Variants in GUCY1A2 observed in about 807,000 individuals in gnomAD.
The protein encoded by GUCY1A2 is guanylate cyclase soluble subunit alpha-2.
In GUCY1A2, 27 loss-of-function variants were observed where a neutral mutation model predicts 63.5. The observed-to-expected ratio is 0.43, with a 90% CI of 0.31 to 0.59. The LOEUF is 0.59. GUCY1A2 is among the 20% of genes least tolerant of loss of function. GUCY1A2 has a pLI of 0.11. For synonymous variants in GUCY1A2, 364 were observed against 343.5 expected (o/e 1.06, Z -0.66); for missense variants, 768 against 913.3 (o/e 0.84, Z 2.05).
intron 2 of GUCY1A2, among the ~76,000 whole-genome samples, chr11:106,979,404 G>A (rs1024007047): frequency 3.5e-4 from 52 of 146,556 alleles, no homozygotes; most frequent in African/African-American, 4.6e-4. Context: ...GCAGTGAGCC[G>A]AGACTGCGCC....
intron 4 of GUCY1A2, among the ~76,000 whole-genome samples, chr11:106,866,615 G>T (rs1348806320): frequency 2.0e-5 from 3 of 151,958 alleles, no homozygotes; most frequent in African/African-American, 7.2e-5. Context: ...CCTTTTATTT[G>T]GTCTGTGGTA....
intron 7 of GUCY1A2, among the ~76,000 whole-genome samples, chr11:106,691,465 G>A (rs956037173): frequency 6.6e-6 from 1 of 152,144 alleles, no homozygotes; most frequent in African/African-American, 2.4e-5. Context: ...TATCTTTTAA[G>A]TCCTCAAATG....
chr11:106,788,988 G>T (rs1864613076), intron 5 of GUCY1A2, among the ~76,000 whole-genome samples: 2 of 152,068 alleles, frequency 1.3e-5, no homozygotes, highest in Admixed American at 1.3e-4. Context: ...GTTTGCTTTG[G>T]GTAGTATGGA....
Position 106,682,504 on chromosome 11 carries a change from A to G in GUCY1A2, c.*5045T>C, listed in dbSNP as rs74644725. On this transcript the variant is annotated 3_prime_UTR_variant, in exon 8 of 8. Coordinates refer to ENST00000526355, the MANE Select transcript of GUCY1A2 (RefSeq NM_000855.3). ...CTTATGAAGCCAGCCAGATACTTCC[A>G]AGCAGATCAGCTGAACCACTGAACT... is the stretch of plus-strand genomic sequence containing the variant. 1,554 of 210,394 alleles carry G rather than the reference A, an allele frequency of 7.4e-3. 7 individuals carry two copies. The highest frequency in any genetic ancestry group is 0.011 in the Non-Finnish European group (1,154 of 103,486). The allele number at this position is 210,394 out of a possible 1,614,324, so 13.0% of individuals were successfully genotyped here. A position where few individuals can be genotyped will look rare whatever the true frequency, so the allele number is the denominator to read the frequency against.
intron 3 of GUCY1A2, among the ~76,000 whole-genome samples, chr11:106,977,258 G>A (rs192360004): frequency 3.8e-4 from 58 of 152,254 alleles, no homozygotes; most frequent in Admixed American, 1.2e-3. Flanking sequence ...ACTGAAAGGA[G>A]AGTCCTTGAA....
At chr11:106,781,874 C>T (rs1347509128) in intron 5 of GUCY1A2, among the ~76,000 whole-genome samples, 1 of 152,040 alleles carries the variant, frequency 6.6e-6, no homozygotes, top group Non-Finnish European at 1.5e-5. Flanking sequence ...ATCCCATTTA[C>T]CTTGTTTGTT....
At chr11:106,935,765 T>C (rs984925204) in intron 4 of GUCY1A2, among the ~76,000 whole-genome samples, 1 of 151,254 alleles carries the variant, frequency 6.6e-6, no homozygotes, top group Non-Finnish European at 1.5e-5. Context: ...GAGAATCGCT[T>C]GAACTAGGGA....
chr11:106,898,587 G>T (rs1480501923), intron 4 of GUCY1A2, among the ~76,000 whole-genome samples: 2 of 152,076 alleles, frequency 1.3e-5, no homozygotes, highest in Non-Finnish European at 2.9e-5. Context: ...TTAAATGAAA[G>T]AACTCAATTT....
intron 4 of GUCY1A2, among the ~76,000 whole-genome samples, chr11:106,930,399 A>T (rs1383829961): frequency 2.0e-5 from 3 of 152,188 alleles, no homozygotes; most frequent in Non-Finnish European, 4.4e-5. Flanking sequence ...ATCCTGGCTC[A>T]TTGCAACCTC....
In GUCY1A2 at chr11:106,835,702, G is replaced by C. The variant is rs955985344; in HGVS notation, c.1207-25224C>G. Among the ~76,000 whole-genome samples the C allele has an allele frequency of 2.6e-5, 4 of 151,700 alleles. No homozygotes were observed. The Admixed American group carries it at 2.6e-4, about 10-fold the overall frequency. On this transcript the variant is annotated intron_variant, in intron 4 of 7. Transcript: ENST00000526355. Reference sequence around the variant, plus strand: ...AGACTGACACTATATAGAAGTAATAGAAACCAGAACACAATGGAATAATAT... The same window carrying C: ...AGACTGACACTATATAGAAGTAATACAAACCAGAACACAATGGAATAATAT...
chr11:106,899,391 C>T (rs966903195), intron 4 of GUCY1A2, among the ~76,000 whole-genome samples: 3 of 152,012 alleles, frequency 2.0e-5, no homozygotes, highest in Non-Finnish European at 4.4e-5. Context: ...TATAAATAGC[C>T]TGCATATGAA....
In GUCY1A2 at chr11:106,680,511, T is replaced by C. The variant is rs1479105679; in HGVS notation, c.*7038A>G. 1.0e-5 allele frequency: 2 copies of C among 198,396 alleles called. No homozygotes were observed. Among genetic ancestry groups the C allele is most frequent in the Non-Finnish European group, 2.1e-5 (2 of 96,140 alleles). The allele number at this position is 198,396 out of a possible 1,614,324, so 12.3% of individuals were successfully genotyped here. A position where few individuals can be genotyped will look rare whatever the true frequency, so the allele number is the denominator to read the frequency against. The stretch of plus-strand genomic sequence containing the variant: ...TAAGCAACAATACTTAAGTCTAATA[T>C]AAAGAATGATCTGATCAGCAACTAG... On this transcript the variant is annotated 3_prime_UTR_variant, in exon 8 of 8. Transcript: ENST00000526355.
chr11:106,772,795 C>G (rs1399114296), intron 6 of GUCY1A2, among the ~76,000 whole-genome samples: 3 of 152,104 alleles, frequency 2.0e-5, no homozygotes, highest in Non-Finnish European at 4.4e-5. Context: ...AAATGAGAAG[C>G]CTGCCCAGCT....
At chr11:107,009,808 C>G (rs958938674) in intron 1 of GUCY1A2, among the ~76,000 whole-genome samples, 1 of 152,202 alleles carries the variant, frequency 6.6e-6, no homozygotes, top group Non-Finnish European at 1.5e-5. Flanking sequence ...CAGGATCATT[C>G]TTCCCAAAAA....
At chr11:106,899,782 T>C (rs1478154368) in intron 4 of GUCY1A2, among the ~76,000 whole-genome samples, 2 of 152,144 alleles carry the variant, frequency 1.3e-5, no homozygotes, top group Non-Finnish European at 2.9e-5. Flanking sequence ...CACACACATA[T>C]GCCCTACATT....
rs377109980 is a variant in GUCY1A2, at chr11:106,683,151, A to G, written c.*4398T>C. 1 of 215,726 alleles carries G rather than the reference A, an allele frequency of 4.6e-6. No homozygotes were observed. Among genetic ancestry groups the G allele is most frequent in the East Asian group, 6.9e-5 (1 of 14,504 alleles). The allele number at this position is 215,726 out of a possible 1,614,324, so 13.4% of individuals were successfully genotyped here. A position where few individuals can be genotyped will look rare whatever the true frequency, so the allele number is the denominator to read the frequency against. On this transcript the variant is annotated 3_prime_UTR_variant, in exon 8 of 8. Coordinates refer to ENST00000526355, the MANE Select transcript of GUCY1A2 (RefSeq NM_000855.3). ...TCGTTTAGAAATATGTTAAACTTCA[A>G]TAATTCAGTCTCATGCATCATGATT...
rs770296793 is a variant in GUCY1A2 at position 106,687,598 on chromosome 11, T to G, written c.2150A>C (p.Lys717Thr). Reference protein sequence around the residue: ...KPSLSSSRIKKVSYNIGTMFL... With the variant: ...KPSLSSSRIKTVSYNIGTMFL... Reference sequence around the variant, plus strand: ...CATGGTGCCGATGTTGTAGGAAACCTTTTTTATTCTCGACGAAGAAAGAGA... The same window carrying G: ...CATGGTGCCGATGTTGTAGGAAACCGTTTTTATTCTCGACGAAGAAAGAGA... The change falls in exon 8 of 8, where the codon AAG becomes ACG. Residue 717 changes from lysine to threonine, a missense_variant. By Grantham distance (78) the Lys-to-Thr change is moderately conservative. Coordinates refer to ENST00000526355, the MANE Select transcript of GUCY1A2 (RefSeq NM_000855.3). 1 of 1,613,748 alleles carries G rather than the reference T, an allele frequency of 6.2e-7. No homozygotes were observed. Among genetic ancestry groups the G allele is most frequent in the Non-Finnish European group, 8.5e-7 (1 of 1,179,680 alleles).
intron 4 of GUCY1A2, among the ~76,000 whole-genome samples, chr11:106,823,102 A>C (rs1310865281): frequency 6.6e-6 from 1 of 152,172 alleles, no homozygotes; most frequent in African/African-American, 2.4e-5. Context: ...TTCTGAAAAA[A>C]AAATGTAGAT....
chr11:106,949,505 T>C (rs1860875799), intron 3 of GUCY1A2, among the ~76,000 whole-genome samples: 1 of 152,228 alleles, frequency 6.6e-6, no homozygotes, highest in Non-Finnish European at 1.5e-5. Flanking sequence ...AGTTCTCTGC[T>C]TCACTTATTT....
Sources: gnomAD v4.1 joint callset for allele counts (sites outside exome capture counted in the v4.1 genomes callset) on GRCh38, gnomAD v4.1.1 for gene constraint, MANE v1.5 for transcripts, NCBI Gene and HGNC (gene_info 2026-07-23, HGNC 2026-07-21) for gene names.